Variants in LHFPL3 observed in about 807,000 individuals in gnomAD.
LHFPL3 encodes LHFPL tetraspan subfamily member 3 protein.
A neutral mutation model predicts 19.3 loss-of-function variants in LHFPL3; 5 were observed. The ratio of observed to expected loss-of-function variants is 0.26; its 90% CI spans 0.14 to 0.54. The LOEUF (loss-of-function observed/expected upper bound fraction) is 0.54. Ranked by LOEUF, LHFPL3 falls within the 20% of genes least tolerant of loss-of-function variation. The pLI, the probability that LHFPL3 is intolerant of heterozygous loss-of-function variation, is 0.94. For missense variants in LHFPL3, 249 were observed against 307.4 expected, an observed-to-expected ratio of 0.81 and a Z score of 1.42; for synonymous variants, 133 against 126.2, an observed-to-expected ratio of 1.05 and a Z score of -0.36.
chr7:104,441,656 G>A (rs4730016), intron 1 of LHFPL3, among the ~76,000 whole-genome samples: 60,093 of 151,996 alleles, frequency 0.4, 14,637 homozygotes, highest in African/African-American at 0.68. Flanking sequence ...GCTCACTGCA[G>A]CCTCCACCTC....
intron 2 of LHFPL3, among the ~76,000 whole-genome samples, chr7:104,744,831 G>T (rs1794010094): frequency 6.6e-6 from 1 of 152,178 alleles, no homozygotes; most frequent in Non-Finnish European, 1.5e-5. Context: ...GGGCTCTTCT[G>T]ATGTGGTCTC....
At chr7:104,525,841 G>A (rs764644660) in intron 1 of LHFPL3, among the ~76,000 whole-genome samples, 49 of 152,104 alleles carry the variant, frequency 3.2e-4, no homozygotes, top group Non-Finnish European at 4.1e-4. Flanking sequence ...TCCTGACCTC[G>A]TAATTCACCT....
chr7:104,635,622 A>G (rs1041622056), intron 1 of LHFPL3, among the ~76,000 whole-genome samples: 12 of 152,204 alleles, frequency 7.9e-5, no homozygotes. Context: ...ATTTTCAGAC[A>G]TGCATGCAGT....
intron 1 of LHFPL3, among the ~76,000 whole-genome samples, chr7:104,573,421 AAAAG>A (rs945276329): frequency 2.0e-5 from 3 of 151,800 alleles, no homozygotes; most frequent in Non-Finnish European, 4.4e-5. Context: ...AAAAAAAAAA[AAAAG>A]AAAGTAAGAA....
At chr7:104,615,848 T>G (rs1791325247) in intron 1 of LHFPL3, among the ~76,000 whole-genome samples, 1 of 152,032 alleles carries the variant, frequency 6.6e-6, no homozygotes, top group African/African-American at 2.4e-5. Context: ...GCAAAGGACA[T>G]GAACAGAGAG....
At chr7:104,856,075 T>G (rs142594539) in intron 2 of LHFPL3, among the ~76,000 whole-genome samples, 449 of 152,130 alleles carry the variant, frequency 3.0e-3, no homozygotes, top group Non-Finnish European at 4.5e-3. Context: ...AATAAAGAGA[T>G]TCCTGCATTT....
At chr7:104,512,590 GC>G (rs901892122) in intron 1 of LHFPL3, among the ~76,000 whole-genome samples, 3 of 152,078 alleles carry the variant, frequency 2.0e-5, no homozygotes, top group African/African-American at 7.2e-5. Context: ...ACAAAAATTA[GC>G]CAGGCGTGGT....
At chr7:104,467,415 C>T (rs900861082) in intron 1 of LHFPL3, among the ~76,000 whole-genome samples, 5 of 152,140 alleles carry the variant, frequency 3.3e-5, no homozygotes, top group Admixed American at 3.3e-4. Context: ...TAATAGTTCC[C>T]ACCCATCTAT....
chr7:104,779,422 C>T (rs554183743), intron 2 of LHFPL3, among the ~76,000 whole-genome samples: 89 of 152,158 alleles, frequency 5.8e-4, no homozygotes, highest in Non-Finnish European at 4.3e-4. Flanking sequence ...TGGAGAAACA[C>T]AGAGTGAAGG....
rs59738977 is a variant in LHFPL3 at position 104,692,806 on chromosome 7, G to T, written c.446-43869G>T. On this transcript the variant is annotated intron_variant, in intron 1 of 2. Coordinates refer to ENST00000424859, the MANE Select transcript of LHFPL3 (RefSeq NM_199000.3). Reference sequence around the variant, plus strand: ...CTCATGGAGAAGGAAATTGCAGAAGGAAAATGTGGGGTTGGAGCCCCAGCA... The same window carrying T: ...CTCATGGAGAAGGAAATTGCAGAAGTAAAATGTGGGGTTGGAGCCCCAGCA... Among the ~76,000 whole-genome samples, 411 of 152,316 alleles carry T rather than the reference G, an allele frequency of 2.7e-3. 1 individual carries two copies. The highest frequency in any genetic ancestry group is 9.5e-3 in the African/African-American group (395 of 41,578).
intron 2 of LHFPL3, among the ~76,000 whole-genome samples, chr7:104,756,338 C>T (rs1794285486): frequency 6.6e-6 from 1 of 152,064 alleles, no homozygotes; most frequent in South Asian, 2.1e-4. Flanking sequence ...CAGCAAGAGT[C>T]TGGCATCTAT....
At chr7:104,447,843 T>C (rs1668281883) in intron 1 of LHFPL3, among the ~76,000 whole-genome samples, 1 of 152,142 alleles carries the variant, frequency 6.6e-6, no homozygotes, top group Non-Finnish European at 1.5e-5. Flanking sequence ...GATCAGTCCA[T>C]TTAAATAAAT....
At position 104,716,517 on chromosome 7, in the gene LHFPL3, T is replaced by G. The variant is rs545225258; in HGVS notation, c.446-20158T>G. 3.3e-5 allele frequency among the ~76,000 whole-genome samples: 5 copies of G among 152,304 alleles called. No homozygotes were observed. In the South Asian group the frequency reaches 1.0e-3, roughly 32 times the overall value. ...TCAACATACAAAATTCTGTTGAGTT[T>G]CTATACAGTAACAATGAACTATCTG... On this transcript the variant is annotated intron_variant, in intron 1 of 2. Coordinates refer to ENST00000424859, the MANE Select transcript of LHFPL3 (RefSeq NM_199000.3).
At chr7:104,813,729 A>G (rs1584549212) in intron 2 of LHFPL3, among the ~76,000 whole-genome samples, 1 of 152,244 alleles carries the variant, frequency 6.6e-6, no homozygotes, top group Non-Finnish European at 1.5e-5. Context: ...CAGATGTCAG[A>G]TGATCAGCTG....
intron 1 of LHFPL3, among the ~76,000 whole-genome samples, chr7:104,430,435 T>TATACATGTATATATATATATATACAC (rs1562895298): frequency 7.0e-5 from 1 of 14,272 alleles, no homozygotes; most frequent in African/African-American, 3.3e-4. Flanking sequence ...TATATATATA[T>TATACATGTATATATATATATATACAC]ATATATATAT....
intron 1 of LHFPL3, among the ~76,000 whole-genome samples, chr7:104,378,695 C>T (rs1186133107): frequency 6.6e-6 from 1 of 152,064 alleles, no homozygotes; most frequent in African/African-American, 2.4e-5. Flanking sequence ...GTAGACATTC[C>T]ATGGGTGTAC....
chr7:104,608,365 A>T (rs1791145383), intron 1 of LHFPL3, among the ~76,000 whole-genome samples: 1 of 151,784 alleles, frequency 6.6e-6, no homozygotes. Flanking sequence ...ATGAAATTGG[A>T]AATCATCATT....
At chr7:104,680,945 TACAG>T (rs1792683209) in intron 1 of LHFPL3, among the ~76,000 whole-genome samples, 1 of 152,180 alleles carries the variant, frequency 6.6e-6, no homozygotes, top group South Asian at 2.1e-4. Context: ...ATTACAGAAC[TACAG>T]TATCCATCAA....
At chr7:104,782,020 C>T (rs1298411758) in intron 2 of LHFPL3, among the ~76,000 whole-genome samples, 1 of 152,210 alleles carries the variant, frequency 6.6e-6, no homozygotes, top group Non-Finnish European at 1.5e-5. Flanking sequence ...ACCGTTCTAT[C>T]ACGCTTATAA....
Sources: allele counts gnomAD v4.1 joint callset (sites outside exome capture counted in the v4.1 genomes callset), GRCh38; gene constraint gnomAD v4.1.1; transcripts MANE v1.5; gene names NCBI Gene and HGNC (gene_info 2026-07-23, HGNC 2026-07-21).